The following LLGL1 variants were observed in gnomAD, a reference collection of about 807,000 sequenced individuals.
LLGL1 encodes LLGL scribble cell polarity complex component 1.
Under a neutral mutation model 110.6 loss-of-function variants are expected in LLGL1, and 58 were observed. The observed-to-expected ratio is 0.52, with a 90% CI of 0.42 to 0.65. LLGL1 has a LOEUF of 0.65. Among genes scored for constraint, LLGL1 ranks in the 30% least tolerant of loss-of-function variants. The pLI is 0.00. For synonymous variants in LLGL1, 674 were observed against 607.2 expected, an observed-to-expected ratio of 1.11 and a Z score of -1.62; for missense variants, 1,229 against 1,462.1, an observed-to-expected ratio of 0.84 and a Z score of 2.60.
chr17:18,234,519 G>A, intron 7 of LLGL1, 111 bp downstream of exon 7: 1 of 1,575,654 alleles, frequency 6.3e-7, no homozygotes, highest in Non-Finnish European at 8.7e-7. Flanking sequence ...TGGGGGCAGT[G>A]TGTCTCCCGC....
In LLGL1 at chr17:18,232,653, A is replaced by G. The variant is rs1390425276; in HGVS notation, c.262-19A>G. 1.2e-6 allele frequency: 2 copies of G among 1,613,996 alleles called. No individual in the cohort carries two copies. Among genetic ancestry groups the G allele is most frequent in the Non-Finnish European group, 8.5e-7 (1 of 1,179,970 alleles). On this transcript the variant is annotated intron_variant, in intron 3 of 22. Coordinates refer to ENST00000316843, the MANE Select transcript of LLGL1 (RefSeq NM_004140.4). ...ATCCCCCTAGGCCAGCCTAGTTTTC[A>G]TCTCTGCTCACACACCAGGGCCGCC...
chr17:18,232,727 A>C lies in LLGL1; in HGVS notation c.317A>C (p.His106Pro), dbSNP rs1025290378. The change falls in exon 4 of 23, where the codon CAC (histidine) becomes CCC (proline). Residue 106 changes from histidine (H) to proline (P), a missense_variant. By Grantham distance (77) the His-to-Pro change is moderately conservative. Transcript: ENST00000316843. Reference sequence around the variant, plus strand: ...AGTCTGCATCTCTGGGAGATTGTCCACCATAATGGCTGTGCCCACCTGGAA... The same window carrying C: ...AGTCTGCATCTCTGGGAGATTGTCCCCCATAATGGCTGTGCCCACCTGGAA... ...DSSLHLWEIV[H>P]HNGCAHLEEA... 6.2e-7 allele frequency: 1 copy of C among 1,614,134 alleles called. No homozygotes were observed. The highest frequency in any genetic ancestry group is 8.5e-7 in the Non-Finnish European group (1 of 1,180,020).
chr17:18,240,884 G>A lies in LLGL1; in HGVS notation c.2502+11G>A. 6.6e-7 allele frequency: 1 copy of A among 1,506,742 alleles called. No individual in the cohort carries two copies. 93.3% of individuals were successfully genotyped at this position (1,506,742 alleles called of 1,614,324 possible). On this transcript the variant is annotated intron_variant, in intron 17 of 22. Transcript: ENST00000316843. The surrounding 1 kb of genome is among the most constrained non-coding windows in gnomAD (Gnocchi z 5.3). ...GAGGAGCAGTTCAAGGTGAGCCACT[G>A]TGGGCTGTGGGGGACTCTGGGGGAC...
intron 1 of LLGL1, among the ~76,000 whole-genome samples, chr17:18,227,015 AT>A (rs1487354630): frequency 6.6e-6 from 1 of 152,138 alleles, no homozygotes; most frequent in Non-Finnish European, 1.5e-5. Flanking sequence ...GTGGGGTTGG[AT>A]TTTAGCCTTG....
At chr17:18,238,692 A>G (rs2142677692) in intron 16 of LLGL1, 83 bp downstream of exon 16, 2 of 1,410,384 alleles carry the variant, frequency 1.4e-6, no homozygotes, top group Non-Finnish European at 1.9e-6. Context: ...GGTGGTGGCA[A>G]GGGAGGTGGT....
At position 18,236,875 on chromosome 17, in the gene LLGL1, G is replaced by C. The variant is rs1389190696; in HGVS notation, c.1547G>C (p.Gly516Ala). The C allele has an allele frequency of 7.4e-6, 12 of 1,613,792 alleles. No homozygotes were observed. Among genetic ancestry groups the C allele is most frequent in the Non-Finnish European group, 1.0e-5 (12 of 1,180,010 alleles). Residue 516 changes from glycine to alanine, a missense_variant, in exon 13 of 23, where the codon GGC (glycine) becomes GCC (alanine). Transcript: ENST00000316843. The part of the protein sequence containing the change: ...FDPYSDDPRL[G>A]VQKVALCKYT... ...CCCTACAGTGACGATCCCCGGCTTG[G>C]CGTGCAGAAGGTTGCTCTCTGCAAG...
In LLGL1 at chr17:18,241,647, A is replaced by G. The variant is rs200261115; in HGVS notation, c.2699A>G (p.His900Arg). Residue 900 changes from histidine (H) to arginine (R), a missense_variant, in exon 18 of 23, where the codon CAC becomes CGC. By Grantham distance (29) the His-to-Arg change is conservative. Transcript: ENST00000316843. ...GTGCCTGGCCTGCGGCCCCAGGTGC[A>G]CTATTCCTGCATCCGGAAGGAGGAC... is the stretch of plus-strand genomic sequence containing the variant. ...FSVPGLRPQV[H>R]YSCIRKEDIS... 8.3e-5 allele frequency: 134 copies of G among 1,613,642 alleles called. No homozygotes were observed. The highest frequency in any genetic ancestry group is 6.6e-4 in the Middle Eastern group (4 of 6,084).
chr17:18,238,538 C>T lies in LLGL1; in HGVS notation c.2135C>T (p.Pro712Leu). The change falls in exon 16 of 23, where the codon CCC becomes CTC. Residue 712 changes from proline (P) to leucine (L), a missense_variant. By Grantham distance (98) the Pro-to-Leu change is moderately conservative. Transcript: ENST00000316843. ...ACGCCCGTGCAGCGCCGCATTGAGC[C>T]CCGCTCTGCCGATGACTCCTTGTCG... Reference protein sequence around the residue: ...EMTPVQRRIEPRSADDSLSGV... With the variant: ...EMTPVQRRIELRSADDSLSGV... The T allele has an allele frequency of 1.2e-6, 2 of 1,612,980 alleles. No homozygotes were observed. Among genetic ancestry groups the T allele is most frequent in the Non-Finnish European group, 1.7e-6 (2 of 1,180,012 alleles).
chr17:18,239,684 G>C (rs1015865790), intron 16 of LLGL1, among the ~76,000 whole-genome samples: 1 of 152,066 alleles, frequency 6.6e-6, no homozygotes, highest in African/African-American at 2.4e-5. Context: ...TATTTGTCGA[G>C]GGTCTTTGTG....
At chr17:18,234,212 C>A (rs2047636945) in intron 6 of LLGL1, 37 bp downstream of exon 6, 1 of 1,599,142 alleles carries the variant, frequency 6.3e-7, no homozygotes, top group Non-Finnish European at 8.5e-7. Flanking sequence ...CAGCCTGGGC[C>A]CCTTGTGCAT....
intron 2 of LLGL1, 45 bp downstream of exon 2, chr17:18,230,083 T>C: frequency 7.0e-7 from 1 of 1,431,940 alleles, no homozygotes; most frequent in African/African-American, 1.4e-5. Flanking sequence ...CAGGACCACC[T>C]GCCTGTAGTT....
rs749131027 is a variant in LLGL1, at chr17:18,232,676, G to A, written c.266G>A (p.Arg89His). 4.2e-5 allele frequency: 67 copies of A among 1,614,018 alleles called. No individual in the cohort carries two copies. Among genetic ancestry groups the A allele is most frequent in the Non-Finnish European group, 5.3e-5 (63 of 1,180,010 alleles). Residue 89 changes from arginine to histidine, a missense_variant, in exon 4 of 23, where the codon CGC becomes CAC. Arg to His is a conservative substitution (Grantham distance 29). Transcript: ENST00000316843. ...TQMHFLTGQGRLLSLLDDSSL... is the reference protein window; with the variant it reads ...TQMHFLTGQGHLLSLLDDSSL... ...TCATCTCTGCTCACACACCAGGGCC[G>A]CCTCCTGTCCCTGCTTGATGACAGC...
chr17:18,241,722 CG>C lies in LLGL1; in HGVS notation c.2767+11del, dbSNP rs2047836789. 1 of 1,611,342 alleles carries C rather than the reference CG, an allele frequency of 6.2e-7. No individual in the cohort carries two copies. ...TTTACGCGCCATGGCCAGGGTGAGG[CG>C]GGGCAGAGGCCGAGGAGGCCTTCCT... On this transcript the variant is annotated splice_region_variant and intron_variant, in intron 18 of 22. Transcript: ENST00000316843.
Position 18,241,558 on chromosome 17 carries a change from C to T in LLGL1, c.2610C>T (p.Cys870=), listed in dbSNP as rs776660416. ...TGGCCACGTTTGCCAGTGTGGCCTGCGAGGACTATGCTGAGACCTGCCTGG... is the reference window on the plus strand; with the variant it reads ...TGGCCACGTTTGCCAGTGTGGCCTGTGAGGACTATGCTGAGACCTGCCTGG... The part of the protein sequence containing the change: ...VALATFASVA[C]EDYAETCLAC... The change falls in exon 18 of 23, where the codon TGC becomes TGT. Residue 870 remains cysteine (C), a synonymous_variant. Coordinates refer to ENST00000316843, the MANE Select transcript of LLGL1 (RefSeq NM_004140.4). 26 of 1,613,648 alleles carry T rather than the reference C, an allele frequency of 1.6e-5. No homozygotes were observed. Among genetic ancestry groups the T allele is most frequent in the Admixed American group, 3.3e-5 (2 of 60,004 alleles).
chr17:18,234,349 G>T lies in LLGL1; in HGVS notation c.791G>T (p.Trp264Leu). 6.2e-7 allele frequency: 1 copy of T among 1,612,762 alleles called. No individual in the cohort carries two copies. Among genetic ancestry groups the T allele is most frequent in the Non-Finnish European group, 8.5e-7 (1 of 1,179,764 alleles). The change falls in exon 7 of 23, where the codon TGG (tryptophan) becomes TTG (leucine). Residue 264 changes from tryptophan to leucine, a missense_variant. Trp to Leu is a moderately conservative substitution (Grantham distance 61). Coordinates refer to ENST00000316843, the MANE Select transcript of LLGL1 (RefSeq NM_004140.4). ...CACAGCGATGGCAGCTATGCTGTCT[G>T]GTCTGTGGATGCCGGCAGCTTCCCA... is the stretch of plus-strand genomic sequence containing the variant. The part of the protein sequence containing the change: ...SSHSDGSYAV[W>L]SVDAGSFPTL...
intron 1 of LLGL1, among the ~76,000 whole-genome samples, chr17:18,226,248 C>T (rs1191564325): frequency 6.6e-6 from 1 of 152,166 alleles, no homozygotes; most frequent in Non-Finnish European, 1.5e-5. Flanking sequence ...CCTGTCTCTC[C>T]CTGCGTGTCT....
At chr17:18,238,386 T>G in intron 15 of LLGL1, 70 bp from the exon 16 acceptor site, 1 of 1,571,382 alleles carries the variant, frequency 6.4e-7, no homozygotes, top group Non-Finnish European at 8.6e-7. Flanking sequence ...TAACAGAACG[T>G]AGGGCGCAAA....
rs866315621 is a variant in LLGL1 at position 18,234,110 on chromosome 17, C to T, written c.649C>T (p.Arg217Trp). 6 of 1,611,986 alleles carry T rather than the reference C, an allele frequency of 3.7e-6. No homozygotes were observed. Among genetic ancestry groups the T allele is most frequent in the Middle Eastern group, 1.7e-4 (1 of 6,050 alleles). Residue 217 changes from arginine to tryptophan, a missense_variant, in exon 6 of 23, where the codon CGG (arginine) becomes TGG (tryptophan). Physicochemically the swap from Arg to Trp is moderately radical, Grantham distance 101 (BLOSUM62 -3). Coordinates refer to ENST00000316843, the MANE Select transcript of LLGL1 (RefSeq NM_004140.4). ...DPTKILIGYS[R>W]GLLVIWNQAS... is the part of the protein sequence containing the mutation. ...CACAAAGATTCTCATTGGCTACAGC[C>T]GGGGCCTGCTGGTCATCTGGAACCA...
intron 11 of LLGL1, 162 bp downstream of exon 11, chr17:18,235,699 G>C (rs1268995447): frequency 9.0e-6 from 6 of 667,158 alleles, no homozygotes; most frequent in Non-Finnish European, 1.5e-5. Context: ...AACCTCCCTG[G>C]ACCTTGGTTC....
Sources: allele counts gnomAD v4.1 joint callset (sites outside exome capture counted in the v4.1 genomes callset), GRCh38; gene constraint gnomAD v4.1.1; non-coding constraint Gnocchi (gnomAD v3.1); transcripts MANE v1.5; gene names NCBI Gene and HGNC (gene_info 2026-07-23, HGNC 2026-07-21).